SHISA9: variants seen among roughly 807,000 people sequenced by gnomAD.
SHISA9 encodes protein shisa-9.
A neutral mutation model predicts 38.0 loss-of-function variants in SHISA9; 13 were observed. That is an observed-to-expected ratio of 0.34 (90% CI 0.22 to 0.54). The LOEUF is 0.54. Ranked by LOEUF, SHISA9 falls within the 20% of genes least tolerant of loss-of-function variation. The probability of loss-of-function intolerance (pLI) is 0.91; values close to 1 mark genes in which losing one functional copy is unlikely to be tolerated. For synonymous variants in SHISA9, 275 were observed against 242.0 expected (o/e 1.14, Z -1.27); for missense variants, 538 against 575.8 (o/e 0.93, Z 0.67).
At chr16:13,452,022 T>TAGTTTTCC in the SHISA9 span, among the ~76,000 whole-genome samples, 2 of 152,184 alleles carry the variant, frequency 1.3e-5, no homozygotes, top group Admixed American at 1.3e-4. Context: ...TTCATCAAGT[T>TAGTTTTCC]AGTTTTCCCT....
intron 2 of SHISA9, among the ~76,000 whole-genome samples, chr16:12,963,161 T>C (rs908530443): frequency 3.3e-5 from 5 of 152,238 alleles, no homozygotes; most frequent in African/African-American, 1.2e-4. Flanking sequence ...GTAGGCACTT[T>C]AAGTGCCATT....
At chr16:13,027,472 C>T (rs974191281) in intron 2 of SHISA9, among the ~76,000 whole-genome samples, 1 of 152,238 alleles carries the variant, frequency 6.6e-6, no homozygotes, top group South Asian at 2.1e-4. Context: ...AAAATTATGT[C>T]CACACAAAGA....
intron 2 of SHISA9, among the ~76,000 whole-genome samples, chr16:12,982,301 C>A (rs879944753): frequency 6.6e-6 from 1 of 152,230 alleles, no homozygotes; most frequent in African/African-American, 2.4e-5. Context: ...TTCAGTTTCT[C>A]TGTCACACTA....
At chr16:13,113,876 G>T (rs996327732) in intron 2 of SHISA9, among the ~76,000 whole-genome samples, 1 of 152,176 alleles carries the variant, frequency 6.6e-6, no homozygotes, top group Non-Finnish European at 1.5e-5. Flanking sequence ...AGTCAATGGA[G>T]GCTTCTGCCC....
chr16:13,198,701 T>TAGTCACA (rs1440160155), intron 2 of SHISA9, among the ~76,000 whole-genome samples: 1 of 152,236 alleles, frequency 6.6e-6, no homozygotes, highest in Non-Finnish European at 1.5e-5. Context: ...TTAGAAAACC[T>TAGTCACA]AGTCACAAAT....
At chr16:13,361,589 A>G in the SHISA9 span, among the ~76,000 whole-genome samples, 1 of 152,220 alleles carries the variant, frequency 6.6e-6, no homozygotes, top group African/African-American at 2.4e-5. Context: ...AGGTCAAGGA[A>G]CTTGCCCAAG....
the SHISA9 span, among the ~76,000 whole-genome samples, chr16:13,555,479 C>T: frequency 3.5e-4 from 54 of 152,154 alleles, no homozygotes; most frequent in African/African-American, 1.3e-3. Flanking sequence ...ACAAAGGATA[C>T]GTGGGGGTTA....
intron 2 of SHISA9, among the ~76,000 whole-genome samples, chr16:13,096,277 T>C (rs2073826275): frequency 6.6e-6 from 1 of 152,230 alleles, no homozygotes; most frequent in Non-Finnish European, 1.5e-5. Context: ...AGCATGTACT[T>C]TGGCAAGGCC....
At chr16:13,402,903 T>C in the SHISA9 span, among the ~76,000 whole-genome samples, 1 of 152,150 alleles carries the variant, frequency 6.6e-6, no homozygotes, top group African/African-American at 2.4e-5. Context: ...CAGGTCACAA[T>C]GTCAGGAGAT....
chr16:12,944,100 T>C (rs562382935), intron 2 of SHISA9, among the ~76,000 whole-genome samples: 4 of 152,260 alleles, frequency 2.6e-5, no homozygotes, highest in African/African-American at 7.2e-5. Flanking sequence ...TAACCAAATA[T>C]GTCTCTAGTC....
chr16:13,328,907 A>T, the SHISA9 span, among the ~76,000 whole-genome samples: 1 of 151,790 alleles, frequency 6.6e-6, no homozygotes, highest in Non-Finnish European at 1.5e-5. Context: ...CCCCCAAATC[A>T]TTTTTTTTCC....
the SHISA9 span, among the ~76,000 whole-genome samples, chr16:13,372,469 T>G: frequency 1.3e-5 from 2 of 152,182 alleles, no homozygotes; most frequent in Non-Finnish European, 2.9e-5. Context: ...CAACTTGCCC[T>G]AAAGCAAAAG....
chr16:13,115,050 A>G (rs2074018549), intron 2 of SHISA9, among the ~76,000 whole-genome samples: 1 of 151,862 alleles, frequency 6.6e-6, no homozygotes, highest in Admixed American at 6.6e-5. Context: ...CTTCATCACC[A>G]TTATCATATT....
chr16:13,277,431 G>GT, the SHISA9 span, among the ~76,000 whole-genome samples: 6,433 of 150,004 alleles, frequency 0.043, 449 homozygotes, highest in African/African-American at 0.15. Flanking sequence ...TTTTAGAATT[G>GT]TTTTTTTTTC....
intron 2 of SHISA9, among the ~76,000 whole-genome samples, chr16:13,191,273 C>A (rs1459241399): frequency 6.6e-6 from 1 of 152,214 alleles, no homozygotes; most frequent in African/African-American, 2.4e-5. Context: ...TTGGCCCCAG[C>A]AGGGACATCT....
At chr16:13,039,570 A>T (rs1473517928) in intron 2 of SHISA9, among the ~76,000 whole-genome samples, 38 of 150,822 alleles carry the variant, frequency 2.5e-4, no homozygotes, top group Non-Finnish European at 5.9e-5. Flanking sequence ...AGAAACACAG[A>T]GTATAATATA....
At chr16:12,960,225 C>T (rs2071891090) in intron 2 of SHISA9, among the ~76,000 whole-genome samples, 1 of 152,194 alleles carries the variant, frequency 6.6e-6, no homozygotes, top group African/African-American at 2.4e-5. Context: ...CTTTTTCCCT[C>T]CGTCACAATG....
chr16:13,001,315 G>A lies in SHISA9; in HGVS notation c.691+84500G>A, dbSNP rs375423594. ...CAATAATTAGGGGCAGGCAGGGTCCGGGGACCTGCTCCTCCCTCTCCTCCC... is the reference window on the plus strand; with the variant it reads ...CAATAATTAGGGGCAGGCAGGGTCCAGGGACCTGCTCCTCCCTCTCCTCCC... On this transcript the variant is annotated intron_variant, in intron 2 of 4. Coordinates refer to ENST00000558583, the MANE Select transcript of SHISA9 (RefSeq NM_001145204.3). 7.2e-5 allele frequency among the ~76,000 whole-genome samples: 11 copies of A among 152,244 alleles called. No individual in the cohort carries two copies. In the East Asian group the frequency reaches 1.9e-3, roughly 27 times the overall value.
chr16:13,060,219 G>A (rs555635746), intron 2 of SHISA9, among the ~76,000 whole-genome samples: 1 of 152,240 alleles, frequency 6.6e-6, no homozygotes, highest in East Asian at 1.9e-4. Flanking sequence ...GAGGGACAGC[G>A]TTCCTGGGAA....
Sources: gnomAD v4.1 joint callset for allele counts (sites outside exome capture counted in the v4.1 genomes callset) on GRCh38, gnomAD v4.1.1 for gene constraint, MANE v1.5 for transcripts, NCBI Gene and HGNC (gene_info 2026-07-23, HGNC 2026-07-21) for gene names.